The following GRIK2 variants were observed in gnomAD, a reference collection of about 807,000 sequenced individuals.
GRIK2 encodes the protein glutamate ionotropic receptor kainate type subunit 2.
A neutral mutation model predicts 100.3 loss-of-function variants in GRIK2; 32 were observed. That is an observed-to-expected ratio of 0.32 (90% CI 0.24 to 0.43). The LOEUF (loss-of-function observed/expected upper bound fraction) is 0.43, where lower values mean the gene tolerates loss of function less well. Ranked by LOEUF, GRIK2 falls within the 20% of genes least tolerant of loss-of-function variation. The pLI is 1.00. For missense variants in GRIK2, 843 were observed against 1,114.9 expected (o/e 0.76, Z 3.47); for synonymous variants, 417 against 389.4 (o/e 1.07, Z -0.83).
Position 101,586,261 on chromosome 6 carries a change from G to A in GRIK2, c.116-35688G>A, listed in dbSNP as rs573207346. 2.7e-5 allele frequency among the ~76,000 whole-genome samples: 4 copies of A among 150,916 alleles called. 1 individual carries two copies. The South Asian group carries it at 8.4e-4, about 32-fold the overall frequency. ...GAGACTAAAAAATAACTCAGAGAAAGAAAAGTTTGACTCTACCCAAGAGTA... is the reference window on the plus strand; with the variant it reads ...GAGACTAAAAAATAACTCAGAGAAAAAAAAGTTTGACTCTACCCAAGAGTA... On this transcript the variant is annotated intron_variant, in intron 2 of 16. Transcript: ENST00000369134.
chr6:101,527,139 C>T (rs1378013131), intron 2 of GRIK2, among the ~76,000 whole-genome samples: 1 of 152,182 alleles, frequency 6.6e-6, no homozygotes, highest in Non-Finnish European at 1.5e-5. Context: ...GAGTCTCAAA[C>T]CCTGCTGCCC....
At chr6:101,796,991 GGC>G in intron 7 of GRIK2, among the ~76,000 whole-genome samples, 1 of 152,092 alleles carries the variant, frequency 6.6e-6, no homozygotes, top group African/African-American at 2.4e-5. Flanking sequence ...TTTTTAATTA[GGC>G]AAAATTATTT....
intron 14 of GRIK2, among the ~76,000 whole-genome samples, chr6:101,976,169 A>G (rs1038987027): frequency 6.6e-6 from 1 of 151,948 alleles, no homozygotes; most frequent in Non-Finnish European, 1.5e-5. Flanking sequence ...GAAATTGGAG[A>G]TGAACTCACT....
chr6:101,473,189 G>T (rs534409089), intron 2 of GRIK2, among the ~76,000 whole-genome samples: 4 of 120,622 alleles, frequency 3.3e-5, no homozygotes, highest in African/African-American at 1.3e-4. Flanking sequence ...TCCCTCCCTC[G>T]CTCCTTCCTT....
intron 2 of GRIK2, among the ~76,000 whole-genome samples, chr6:101,434,125 A>C (rs1769582367): frequency 6.6e-6 from 1 of 152,230 alleles, no homozygotes; most frequent in Non-Finnish European, 1.5e-5. Context: ...TGCAAATAAC[A>C]CAAAAGTGGG....
Position 101,479,938 on chromosome 6 carries a change from T to C in GRIK2, c.115+80546T>C, listed in dbSNP as rs141205605. Among the ~76,000 whole-genome samples, 859 of 152,264 alleles carry C rather than the reference T, an allele frequency of 5.6e-3. 9 individuals carry two copies. Among genetic ancestry groups the C allele is most frequent in the African/African-American group, 0.019 (809 of 41,558 alleles). On this transcript the variant is annotated intron_variant, in intron 2 of 16. Coordinates refer to ENST00000369134, the MANE Select transcript of GRIK2 (RefSeq NM_021956.5). ...TAGGCAAAAATCACAGTATATTTAA[T>C]AGGGAGAAGAGTGGGACTTGTCAAC... is the stretch of plus-strand genomic sequence containing the variant.
chr6:101,988,146 C>CGCGCGCGCGT (rs144690410), intron 14 of GRIK2, among the ~76,000 whole-genome samples: 1 of 35,392 alleles, frequency 2.8e-5, no homozygotes, highest in Non-Finnish European at 1.7e-4. Context: ...CGCGCGCGCG[C>CGCGCGCGCGT]GCGCGCGCGT....
intron 2 of GRIK2, among the ~76,000 whole-genome samples, chr6:101,494,222 T>A (rs1042267190): frequency 9.2e-5 from 14 of 151,496 alleles, no homozygotes; most frequent in African/African-American, 3.4e-4. Context: ...TACATAAATT[T>A]ACCTGTCACT....
intron 2 of GRIK2, among the ~76,000 whole-genome samples, chr6:101,448,996 G>A (rs1041614815): frequency 6.6e-6 from 1 of 151,444 alleles, no homozygotes; most frequent in African/African-American, 2.4e-5. Flanking sequence ...AGAAAGCAGA[G>A]AATATACTGG....
chr6:101,713,300 C>T (rs1773843586), intron 7 of GRIK2, among the ~76,000 whole-genome samples: 1 of 151,694 alleles, frequency 6.6e-6, no homozygotes, highest in African/African-American at 2.4e-5. Flanking sequence ...AATTTTATAA[C>T]TCATGTGAAT....
At chr6:101,937,602 A>G (rs1472048807) in intron 14 of GRIK2, among the ~76,000 whole-genome samples, 2 of 152,182 alleles carry the variant, frequency 1.3e-5, no homozygotes, top group Non-Finnish European at 2.9e-5. Flanking sequence ...TTACATAAAA[A>G]AACTAAAATG....
In GRIK2 at chr6:101,782,143, G is replaced by A. The variant is rs577852325; in HGVS notation, c.952-17505G>A. On this transcript the variant is annotated intron_variant, in intron 7 of 16. Coordinates refer to ENST00000369134, the MANE Select transcript of GRIK2 (RefSeq NM_021956.5). ...GATATTCACTACTTCTAGCATGATC[G>A]AGTCACGGTATTTGGGATATTCACT... Among the ~76,000 whole-genome samples the A allele has an allele frequency of 1.5e-3, 230 of 152,208 alleles. 1 individual carries two copies. The highest frequency in any genetic ancestry group is 2.6e-3 in the Non-Finnish European group (176 of 68,000).
At chr6:102,056,254 G>A (rs1389577323) in intron 16 of GRIK2, among the ~76,000 whole-genome samples, 2 of 151,860 alleles carry the variant, frequency 1.3e-5, no homozygotes, top group Non-Finnish European at 2.9e-5. Flanking sequence ...GCATTTGAAT[G>A]CAGTCATTTG....
chr6:101,809,346 G>T (rs974083491), intron 9 of GRIK2, among the ~76,000 whole-genome samples: 24 of 151,932 alleles, frequency 1.6e-4, no homozygotes, highest in Admixed American at 6.6e-5. Flanking sequence ...GTATTTTGAA[G>T]AAAAAGTGGT....
chr6:101,914,768 T>C (rs1221438342), intron 12 of GRIK2, among the ~76,000 whole-genome samples: 1 of 151,662 alleles, frequency 6.6e-6, no homozygotes, highest in African/African-American at 2.4e-5. Context: ...CTTTCAGTTA[T>C]ATTCAATTGA....
At chr6:101,933,922 T>C (rs1790451038) in intron 14 of GRIK2, among the ~76,000 whole-genome samples, 1 of 151,926 alleles carries the variant, frequency 6.6e-6, no homozygotes, top group Non-Finnish European at 1.5e-5. Flanking sequence ...GGTAGAACGT[T>C]TTAATTTTTG....
chr6:101,714,931 T>C (rs1773958519), intron 7 of GRIK2, among the ~76,000 whole-genome samples: 1 of 151,698 alleles, frequency 6.6e-6, no homozygotes, highest in Non-Finnish European at 1.5e-5. Flanking sequence ...TATAAACAAA[T>C]ACACTCTTAT....
chr6:101,670,372 C>G lies in GRIK2; in HGVS notation c.542-6251C>G, dbSNP rs193294965. 3.3e-5 allele frequency among the ~76,000 whole-genome samples: 5 copies of G among 152,048 alleles called. No individual in the cohort carries two copies. In the East Asian group the frequency reaches 9.7e-4, roughly 29 times the overall value. On this transcript the variant is annotated intron_variant, in intron 4 of 16. Transcript: ENST00000369134. ...TTTTTTTCACTCTTCAATGTTATTC[C>G]CCAGGGAAACTGGCAAACTGAAATC...
At position 101,957,145 on chromosome 6, in the gene GRIK2, G is replaced by A. The variant is rs1260063968; in HGVS notation, c.2085+28513G>A. Among the ~76,000 whole-genome samples, 3 of 151,852 alleles carry A rather than the reference G, an allele frequency of 2.0e-5. No homozygotes were observed. In the East Asian group the frequency reaches 5.8e-4, roughly 29 times the overall value. Reference sequence around the variant, plus strand: ...TAAGCATTCACTTTTTTCTAAATGTGCTACAACATGTGTTAATATTTGAGG... The same window carrying A: ...TAAGCATTCACTTTTTTCTAAATGTACTACAACATGTGTTAATATTTGAGG... On this transcript the variant is annotated intron_variant, in intron 14 of 16. Transcript: ENST00000369134.
Sources: gnomAD v4.1 joint callset for allele counts (sites outside exome capture counted in the v4.1 genomes callset) on GRCh38, gnomAD v4.1.1 for gene constraint, MANE v1.5 for transcripts, NCBI Gene and HGNC (gene_info 2026-07-23, HGNC 2026-07-21) for gene names.